The following FLRT2 variants were observed in gnomAD, a reference collection of about 807,000 sequenced individuals.
The protein encoded by FLRT2 is fibronectin leucine rich transmembrane protein 2.
FLRT2 carries 15 observed loss-of-function variants against 40.0 expected under a neutral mutation model. That is an observed-to-expected ratio of 0.38 (90% CI 0.25 to 0.58). The LOEUF (loss-of-function observed/expected upper bound fraction) is 0.58, where lower values mean the gene tolerates loss of function less well. Among genes scored for constraint, FLRT2 ranks in the 20% least tolerant of loss-of-function variants. FLRT2 has a pLI of 0.71. For missense variants in FLRT2, 726 were observed against 840.0 expected (o/e 0.86, Z 1.68); for synonymous variants, 380 against 336.8 (o/e 1.13, Z -1.41).
At chr14:85,585,819 A>G (rs1277983643) in intron 1 of FLRT2, among the ~76,000 whole-genome samples, 1 of 152,130 alleles carries the variant, frequency 6.6e-6, no homozygotes, top group Non-Finnish European at 1.5e-5. Context: ...TGTCTAGGTG[A>G]AGAGCTGGGG....
rs1893846506 is a variant in FLRT2, at chr14:85,630,713, A to G, written c.*7216A>G. 6.6e-6 allele frequency: 1 copy of G among 152,022 alleles called. No homozygotes were observed. Among genetic ancestry groups the G allele is most frequent in the Non-Finnish European group, 1.5e-5 (1 of 68,046 alleles). 9.4% of individuals were successfully genotyped at this position (152,022 alleles called of 1,614,324 possible). A position where few individuals can be genotyped will look rare whatever the true frequency, so the allele number is the denominator to read the frequency against. ...GTGATCCACCCACCTAGGCCTCCCAAAGTGCTGGGATTACAGGCATGAGCC... is the reference window on the plus strand; with the variant it reads ...GTGATCCACCCACCTAGGCCTCCCAGAGTGCTGGGATTACAGGCATGAGCC... On this transcript the variant is annotated 3_prime_UTR_variant, in exon 2 of 2. Transcript: ENST00000330753.
chr14:85,613,835 T>C (rs1210057455), intron 1 of FLRT2, among the ~76,000 whole-genome samples: 3 of 152,168 alleles, frequency 2.0e-5, no homozygotes, highest in Admixed American at 6.5e-5. Flanking sequence ...ATCAACTTCA[T>C]AAATGTCTGC....
In FLRT2 at chr14:85,649,949, A is replaced by G. The variant is rs951196161; in HGVS notation, c.*26452A>G. ...TTATTTTTTATTAGAAAATATTTTA[A>G]TAACACAAGAAAGTAAAGAAAGTAA... On this transcript the variant is annotated 3_prime_UTR_variant, in exon 2 of 2. Coordinates refer to ENST00000330753, the MANE Select transcript of FLRT2 (RefSeq NM_013231.6). 6.6e-6 allele frequency: 1 copy of G among 152,098 alleles called. No homozygotes were observed. Among genetic ancestry groups the G allele is most frequent in the African/African-American group, 2.4e-5 (1 of 41,462 alleles). 9.4% of individuals were successfully genotyped at this position (152,098 alleles called of 1,614,324 possible).
chr14:85,533,880 C>T lies in FLRT2; in HGVS notation c.-377+3346C>T, dbSNP rs550002553. On this transcript the variant is annotated intron_variant, in intron 1 of 1. Transcript: ENST00000330753. Reference sequence around the variant, plus strand: ...CAGGGCTTGGCTCCAGCAGCCGCCGCCGTCGCCGCCGCCGCCACCCGGAGG... The same window carrying T: ...CAGGGCTTGGCTCCAGCAGCCGCCGTCGTCGCCGCCGCCGCCACCCGGAGG... Among the ~76,000 whole-genome samples, 218 of 152,022 alleles carry T rather than the reference C, an allele frequency of 1.4e-3. 1 individual carries two copies. The highest frequency in any genetic ancestry group is 5.0e-3 in the African/African-American group (209 of 41,542).
chr14:85,602,279 A>C (rs902886419), intron 1 of FLRT2, among the ~76,000 whole-genome samples: 3 of 152,214 alleles, frequency 2.0e-5, no homozygotes, highest in African/African-American at 7.2e-5. Context: ...ATCTATTCAA[A>C]TTCAGTTTCT....
rs1894171071 is a variant in FLRT2 at position 85,642,423 on chromosome 14, C to T, written c.*18926C>T. 6.6e-6 allele frequency: 1 copy of T among 152,136 alleles called. No individual in the cohort carries two copies. Among genetic ancestry groups the T allele is most frequent in the South Asian group, 2.1e-4 (1 of 4,830 alleles). The allele number at this position is 152,136 out of a possible 1,614,324, so 9.4% of individuals were successfully genotyped here. Reference sequence around the variant, plus strand: ...TGCCTTTGTGGGGAGAACTAACTTACCTGAGGTAACTAATGTAAAATAGCT... The same window carrying T: ...TGCCTTTGTGGGGAGAACTAACTTATCTGAGGTAACTAATGTAAAATAGCT... On this transcript the variant is annotated 3_prime_UTR_variant, in exon 2 of 2. Coordinates refer to ENST00000330753, the MANE Select transcript of FLRT2 (RefSeq NM_013231.6).
rs748912715 is a variant in FLRT2 at position 85,623,447 on chromosome 14, A to T, written c.1933A>T (p.Met645Leu). 3 of 1,471,902 alleles carry T rather than the reference A, an allele frequency of 2.0e-6. No homozygotes were observed. The highest frequency in any genetic ancestry group is 2.7e-6 in the Non-Finnish European group (3 of 1,113,136). 91.2% of individuals were successfully genotyped at this position (1,471,902 alleles called of 1,614,324 possible). A position where few individuals can be genotyped will look rare whatever the true frequency, so the allele number is the denominator to read the frequency against. Reference sequence around the variant, plus strand: ...CACAGACTGCCATATCCCCAACAACATGCGATACTGCAACAGCAGCGTGCC... The same window carrying T: ...CACAGACTGCCATATCCCCAACAACTTGCGATACTGCAACAGCAGCGTGCC... ...NYTDCHIPNN[M>L]RYCNSSVPDL... Residue 645 changes from methionine (M) to leucine (L), a missense_variant, in exon 2 of 2, where the codon ATG (methionine) becomes TTG (leucine). This residue lies in a region of FLRT2 where 611 missense variants were observed against 690.0 expected (regional missense o/e 0.89). Transcript: ENST00000330753.
At chr14:85,546,437 T>C (rs1284315524) in intron 1 of FLRT2, among the ~76,000 whole-genome samples, 2 of 152,096 alleles carry the variant, frequency 1.3e-5, no homozygotes, top group Non-Finnish European at 2.9e-5. Context: ...ATGGAATCCT[T>C]GGTGGGGCTG....
intron 1 of FLRT2, among the ~76,000 whole-genome samples, chr14:85,558,404 A>G (rs1890106941): frequency 6.6e-6 from 1 of 152,182 alleles, no homozygotes; most frequent in South Asian, 2.1e-4. Flanking sequence ...ATTTGGAGTC[A>G]TGGGAATGGG....
In FLRT2 at chr14:85,637,836, T is replaced by C. The variant is rs1397523068; in HGVS notation, c.*14339T>C. 1 of 152,336 alleles carries C rather than the reference T, an allele frequency of 6.6e-6. No homozygotes were observed. The highest frequency in any genetic ancestry group is 2.4e-5 in the African/African-American group (1 of 41,578). The allele number at this position is 152,336 out of a possible 1,614,324, so 9.4% of individuals were successfully genotyped here. On this transcript the variant is annotated 3_prime_UTR_variant, in exon 2 of 2. Transcript: ENST00000330753. ...ACACTCTTGCAAATTTTTCATGTTGTAATCACCCACCAGTGGTAATAATAG... is the reference window on the plus strand; with the variant it reads ...ACACTCTTGCAAATTTTTCATGTTGCAATCACCCACCAGTGGTAATAATAG...
At chr14:85,572,584 G>T (rs1487018680) in intron 1 of FLRT2, among the ~76,000 whole-genome samples, 1 of 152,148 alleles carries the variant, frequency 6.6e-6, no homozygotes, top group Non-Finnish European at 1.5e-5. Context: ...CAGACAGTAG[G>T]CCTCGCTATT....
At chr14:85,591,912 T>A (rs781455634) in intron 1 of FLRT2, among the ~76,000 whole-genome samples, 2 of 152,210 alleles carry the variant, frequency 1.3e-5, no homozygotes, top group Non-Finnish European at 2.9e-5. Flanking sequence ...ATGTGGAGAA[T>A]AAAGAGGCAT....
intron 1 of FLRT2, among the ~76,000 whole-genome samples, chr14:85,617,137 G>C (rs1893174415): frequency 6.6e-6 from 1 of 152,052 alleles, no homozygotes; most frequent in South Asian, 2.1e-4. Flanking sequence ...CCAAAGCACA[G>C]AATTATCTGG....
rs1217356309 is a variant in FLRT2 at position 85,623,941 on chromosome 14, C to T, written c.*444C>T. 2 of 168,416 alleles carry T rather than the reference C, an allele frequency of 1.2e-5. No homozygotes were observed. Among genetic ancestry groups the T allele is most frequent in the Non-Finnish European group, 2.9e-5 (2 of 69,188 alleles). The allele number at this position is 168,416 out of a possible 1,614,324, so 10.4% of individuals were successfully genotyped here. ...TAATATGGGTAAAACAAGAAATGGC[C>T]CGATAGTTTCACACTATTCCTATAC... On this transcript the variant is annotated 3_prime_UTR_variant, in exon 2 of 2. Coordinates refer to ENST00000330753, the MANE Select transcript of FLRT2 (RefSeq NM_013231.6).
Position 85,650,018 on chromosome 14 carries a change from T to A in FLRT2, c.*26521T>A, listed in dbSNP as rs1056813911. 2 of 152,006 alleles carry A rather than the reference T, an allele frequency of 1.3e-5. No individual in the cohort carries two copies. Among genetic ancestry groups the A allele is most frequent in the African/African-American group, 4.8e-5 (2 of 41,438 alleles). The allele number at this position is 152,006 out of a possible 1,614,324, so 9.4% of individuals were successfully genotyped here. On this transcript the variant is annotated 3_prime_UTR_variant, in exon 2 of 2. Coordinates refer to ENST00000330753, the MANE Select transcript of FLRT2 (RefSeq NM_013231.6). ...ACACATCAACCAGCTTTGTCTGAAA[T>A]TAATATCATCCTAAATTTGCTTCAT...
chr14:85,621,985 G>A lies in FLRT2; in HGVS notation c.471G>A (p.Glu157=). 6.2e-7 allele frequency: 1 copy of A among 1,603,284 alleles called. No homozygotes were observed. The highest frequency in any genetic ancestry group is 8.5e-7 in the Non-Finnish European group (1 of 1,174,662). The change falls in exon 2 of 2, where the codon GAG becomes GAA. Residue 157 remains glutamate, a synonymous_variant. Coordinates refer to ENST00000330753, the MANE Select transcript of FLRT2 (RefSeq NM_013231.6). The part of the protein sequence containing the change: ...TVGVEDGAFR[E]AISLKLLFLS... ...GGGTGGAAGACGGGGCCTTCCGGGA[G>A]GCTATTAGCCTCAAATTGTTGTTTT...
rs548672888 is a variant in FLRT2, at chr14:85,639,469, A to G, written c.*15972A>G. 1 of 152,240 alleles carries G rather than the reference A, an allele frequency of 6.6e-6. No individual in the cohort carries two copies. The highest frequency in any genetic ancestry group is 2.1e-4 in the South Asian group (1 of 4,820). 9.4% of individuals were successfully genotyped at this position (152,240 alleles called of 1,614,324 possible). On this transcript the variant is annotated 3_prime_UTR_variant, in exon 2 of 2. Transcript: ENST00000330753. Reference sequence around the variant, plus strand: ...CAAGGTACCACATTTACTTTCTACAATGCAAGTAGAAGAAGGGGCCCCACC... The same window carrying G: ...CAAGGTACCACATTTACTTTCTACAGTGCAAGTAGAAGAAGGGGCCCCACC...
chr14:85,635,716 T>C lies in FLRT2; in HGVS notation c.*12219T>C, dbSNP rs1266013424. ...CTTGAACAAACATACAATTATGGTT[T>C]AAAAAAAAGAAAGATGAAAACTTTT... On this transcript the variant is annotated 3_prime_UTR_variant, in exon 2 of 2. Transcript: ENST00000330753. 6.6e-6 allele frequency: 1 copy of C among 151,780 alleles called. No homozygotes were observed. Among genetic ancestry groups the C allele is most frequent in the East Asian group, 1.9e-4 (1 of 5,186 alleles). 9.4% of individuals were successfully genotyped at this position (151,780 alleles called of 1,614,324 possible).
intron 1 of FLRT2, among the ~76,000 whole-genome samples, chr14:85,558,374 T>C (rs1364906158): frequency 6.6e-6 from 1 of 150,946 alleles, no homozygotes; most frequent in Non-Finnish European, 1.5e-5. Flanking sequence ...AAAAACCGAG[T>C]AGGTGGGAGA....
Sources: allele counts gnomAD v4.1 joint callset (sites outside exome capture counted in the v4.1 genomes callset), GRCh38; gene constraint gnomAD v4.1.1; regional missense constraint gnomAD v4.1.1; transcripts MANE v1.5; gene names NCBI Gene and HGNC (gene_info 2026-07-23, HGNC 2026-07-21).